DCC: variants seen among roughly 807,000 people sequenced by gnomAD.
DCC encodes DCC netrin 1 receptor, also known as netrin receptor DCC.
A neutral mutation model predicts 172.5 loss-of-function variants in DCC; 58 were observed. The ratio of observed to expected loss-of-function variants is 0.34; its 90% CI spans 0.27 to 0.42. The LOEUF is 0.42. Ranked by LOEUF, DCC falls within the 10% of genes least tolerant of loss-of-function variation. The pLI is 1.00. For missense variants in DCC, 1,740 were observed against 1,791.0 expected, an observed-to-expected ratio of 0.97 and a Z score of 0.51; for synonymous variants, 709 against 644.5, an observed-to-expected ratio of 1.10 and a Z score of -1.52.
intron 8 of DCC, among the ~76,000 whole-genome samples, chr18:53,166,771 T>C (rs2054928636): frequency 6.6e-6 from 1 of 152,036 alleles, no homozygotes; most frequent in Non-Finnish European, 1.5e-5. Flanking sequence ...CCAAGAGAGG[T>C]AAACAAAAAA....
At chr18:52,976,201 G>GTT (rs1013927153) in intron 5 of DCC, among the ~76,000 whole-genome samples, 42 of 147,614 alleles carry the variant, frequency 2.8e-4, no homozygotes, top group African/African-American at 1.0e-3. Flanking sequence ...ATAGGGTCAT[G>GTT]TTTTTTTTTT....
intron 1 of DCC, among the ~76,000 whole-genome samples, chr18:52,617,223 T>C (rs1397838810): frequency 6.6e-6 from 1 of 152,134 alleles, no homozygotes; most frequent in Non-Finnish European, 1.5e-5. Flanking sequence ...TAAATATGTG[T>C]GATTATTAAG....
At chr18:52,813,543 A>G (rs1342056252) in intron 2 of DCC, among the ~76,000 whole-genome samples, 1 of 152,126 alleles carries the variant, frequency 6.6e-6, no homozygotes, top group African/African-American at 2.4e-5. Flanking sequence ...TGGAAACTTA[A>G]AAGTTATATG....
intron 2 of DCC, among the ~76,000 whole-genome samples, chr18:52,815,545 C>G (rs962326844): frequency 2.6e-5 from 4 of 152,118 alleles, no homozygotes; most frequent in Non-Finnish European, 5.9e-5. Context: ...TACCAGGAAC[C>G]AAGTTTGCTG....
chr18:52,567,831 G>A (rs1269614991), intron 1 of DCC, among the ~76,000 whole-genome samples: 1 of 151,914 alleles, frequency 6.6e-6, no homozygotes, highest in Non-Finnish European at 1.5e-5. Context: ...AAAAAAAACA[G>A]AGAGGTGAGG....
At chr18:53,514,478 A>G (rs2046306529) in intron 27 of DCC, among the ~76,000 whole-genome samples, 1 of 152,204 alleles carries the variant, frequency 6.6e-6, no homozygotes. Flanking sequence ...GAGACACAAA[A>G]AAAACCCTTC....
At chr18:53,226,541 A>C (rs1161309342) in intron 12 of DCC, among the ~76,000 whole-genome samples, 8 of 152,092 alleles carry the variant, frequency 5.3e-5, no homozygotes. Context: ...TCAGTAGACA[A>C]CCTTAAAAAC....
intron 1 of DCC, among the ~76,000 whole-genome samples, chr18:52,654,074 T>C (rs2035197125): frequency 6.6e-6 from 1 of 152,228 alleles, no homozygotes; most frequent in Non-Finnish European, 1.5e-5. Flanking sequence ...GGGAACACCC[T>C]TATTTGGAAA....
intron 2 of DCC, chr18:52,816,580 T>C (rs1391265630): frequency 6.6e-6 from 1 of 152,232 alleles, no homozygotes; most frequent in Non-Finnish European, 1.5e-5. Context: ...ATCTGGCATT[T>C]ACAGCACTTT....
At chr18:53,441,484 C>A (rs1446238912) in intron 22 of DCC, among the ~76,000 whole-genome samples, 1 of 151,994 alleles carries the variant, frequency 6.6e-6, no homozygotes, top group Non-Finnish European at 1.5e-5. Flanking sequence ...AGATCTCCAC[C>A]CCGACGTATT....
intron 1 of DCC, among the ~76,000 whole-genome samples, chr18:52,622,853 A>T (rs751046323): frequency 5.9e-5 from 9 of 152,188 alleles, no homozygotes; most frequent in Non-Finnish European, 1.2e-4. Flanking sequence ...GACCAAAAAA[A>T]ATGATCATAG....
chr18:53,008,680 T>C lies in DCC; in HGVS notation c.986-54625T>C, dbSNP rs537893850. On this transcript the variant is annotated intron_variant, in intron 5 of 28. Transcript: ENST00000442544. ...ATGCCATTATTACTCAAAAACTTTG[T>C]AAATAAATGAATGGATGAATACACT... Among the ~76,000 whole-genome samples the C allele has an allele frequency of 4.6e-5, 7 of 152,090 alleles. No homozygotes were observed. In the South Asian group the frequency reaches 1.2e-3, roughly 27 times the overall value.
At chr18:53,153,112 G>A (rs2144384216) in intron 7 of DCC, among the ~76,000 whole-genome samples, 1 of 152,214 alleles carries the variant, frequency 6.6e-6, no homozygotes, top group East Asian at 1.9e-4. Flanking sequence ...AGATGCTCTT[G>A]GAGGAAAAAG....
At chr18:52,929,508 CAG>C (rs1448003673) in intron 5 of DCC, among the ~76,000 whole-genome samples, 20 of 152,072 alleles carry the variant, frequency 1.3e-4, no homozygotes, top group Admixed American at 3.9e-4. Context: ...GAAAGGCTGA[CAG>C]GGGAGCAGGG....
intron 5 of DCC, among the ~76,000 whole-genome samples, chr18:53,057,427 T>G (rs1007107677): frequency 3.3e-5 from 5 of 152,114 alleles, no homozygotes. Context: ...ATTATATTTT[T>G]TCTACATTTC....
At chr18:53,088,806 T>G (rs1390719388) in intron 7 of DCC, among the ~76,000 whole-genome samples, 1 of 152,194 alleles carries the variant, frequency 6.6e-6, no homozygotes, top group East Asian at 1.9e-4. Flanking sequence ...TTCTATTATT[T>G]TGTGTTACAT....
intron 1 of DCC, among the ~76,000 whole-genome samples, chr18:52,407,877 T>C (rs1986706904): frequency 6.6e-6 from 1 of 152,120 alleles, no homozygotes; most frequent in African/African-American, 2.4e-5. Flanking sequence ...GGAGGCCATA[T>C]ATGGAAAGCA....
intron 12 of DCC, among the ~76,000 whole-genome samples, chr18:53,245,703 T>C (rs892209879): frequency 2.0e-5 from 3 of 152,094 alleles, no homozygotes; most frequent in Non-Finnish European, 2.9e-5. Flanking sequence ...ATAGATTTAA[T>C]AGCAAAAGAT....
chr18:53,276,120 A>G (rs1382950750), intron 12 of DCC, among the ~76,000 whole-genome samples: 1 of 152,168 alleles, frequency 6.6e-6, no homozygotes, highest in African/African-American at 2.4e-5. Context: ...GAAATAGGCT[A>G]ATATCCATTA....
Sources: gnomAD v4.1 joint callset for allele counts (sites outside exome capture counted in the v4.1 genomes callset) on GRCh38, gnomAD v4.1.1 for gene constraint, MANE v1.5 for transcripts, NCBI Gene and HGNC (gene_info 2026-07-23, HGNC 2026-07-21) for gene names.